Variants in SAGE1 observed in about 807,000 individuals in gnomAD.
SAGE1 encodes sarcoma antigen 1, also known as cancer/testis antigen 14.
In SAGE1, 55 loss-of-function variants were observed where a neutral mutation model predicts 55.4. The observed-to-expected ratio is 0.99, with a 90% CI of 0.80 to 1.24. SAGE1 has a LOEUF of 1.24. Ranked by LOEUF, SAGE1 falls within the 50% of genes most tolerant of loss-of-function variation. The pLI is 0.00. For synonymous variants in SAGE1, 240 were observed against 244.3 expected (o/e 0.98, Z 0.17); for missense variants, 710 against 704.4 (o/e 1.01, Z -0.09).
intron 1 of SAGE1, among the ~76,000 whole-genome samples, 103 bp downstream of exon 1, chrX:135,893,884 A>T (rs1253906025): frequency 9.0e-6 from 1 of 111,659 alleles, no homozygotes; most frequent in Non-Finnish European, 1.9e-5. Context: ...TTCCTCCGTT[A>T]TTTTTTGGAA....
At position 135,911,491 on chromosome X, in the gene SAGE1, T is replaced by A. The variant is rs2088897540; in HGVS notation, c.2147-88T>A. ...GTATCCTCTTGCTTCATGAGATAAC[T>A]CCCTAGAAACTGGGCATCGGAGGGA... On this transcript the variant is annotated intron_variant, in intron 17 of 19. Transcript: ENST00000370709. 5 of 888,001 alleles carry A rather than the reference T, an allele frequency of 5.6e-6. No homozygotes were observed. In the Admixed American group the frequency reaches 9.9e-5, roughly 18 times the overall value. The allele number at this position is 888,001 out of a possible 1,213,427, so 73.2% of individuals were successfully genotyped here.
Position 135,903,228 on chromosome X carries a change from G to C in SAGE1, c.221-1249G>C, listed in dbSNP as rs1378484021. Among the ~76,000 whole-genome samples, 3 of 112,801 alleles carry C rather than the reference G, an allele frequency of 2.7e-5. No individual in the cohort carries two copies. The East Asian group carries it at 8.4e-4, about 32-fold the overall frequency. On this transcript the variant is annotated intron_variant, in intron 3 of 19. Transcript: ENST00000370709. The stretch of plus-strand genomic sequence containing the variant: ...ACTCTCCCTCTGCCTCTGCACAGGA[G>C]GCTCTGCTTCTTTCTCCAAGCCCTG...
At position 135,912,414 on chromosome X, in the gene SAGE1, G is replaced by A. The variant is rs374427739; in HGVS notation, c.2615G>A (p.Arg872Lys). ...FVEFTIKEAA[R>K]FKKVVLIQQL... is the part of the protein sequence containing the mutation. ...GAATTTACCATCAAGGAAGCAGCAAGGTGAGTGCAAAAAGGAACTGTGCTA... is the reference window on the plus strand; with the variant it reads ...GAATTTACCATCAAGGAAGCAGCAAAGTGAGTGCAAAAAGGAACTGTGCTA... The change falls in exon 19 of 20, where the codon AGG (arginine) becomes AAG (lysine). Residue 872 changes from arginine (R) to lysine (K), a missense_variant and splice_region_variant. Arg to Lys is a conservative substitution (Grantham distance 26). Transcript: ENST00000370709. The A allele has an allele frequency of 1.7e-6, 2 of 1,202,545 alleles. No individual in the cohort carries two copies. Among genetic ancestry groups the A allele is most frequent in the African/African-American group, 3.5e-5 (2 of 56,849 alleles).
At position 135,908,851 on chromosome X, in the gene SAGE1, C is replaced by G. The variant is rs374358316; in HGVS notation, c.1442-13C>G. 8.3e-7 allele frequency: 1 copy of G among 1,202,230 alleles called. No homozygotes were observed. Among genetic ancestry groups the G allele is most frequent in the African/African-American group, 1.8e-5 (1 of 56,405 alleles). The stretch of plus-strand genomic sequence containing the variant: ...ACGTACCTCACAGCTTGACCTCTCC[C>G]TTTGGTTTCCAGATGCTACCATTAC... On this transcript the variant is annotated splice_polypyrimidine_tract_variant and intron_variant, in intron 12 of 19. Coordinates refer to ENST00000370709, the MANE Select transcript of SAGE1 (RefSeq NM_001381902.1).
chrX:135,908,087 A>G lies in SAGE1; in HGVS notation c.1160-2A>G. 4.1e-6 allele frequency: 5 copies of G among 1,210,142 alleles called. No individual in the cohort carries two copies. The highest frequency in any genetic ancestry group is 2.3e-4 in the Middle Eastern group (1 of 4,347). On this transcript the variant is annotated splice_acceptor_variant, in intron 10 of 19. Coordinates refer to ENST00000370709, the MANE Select transcript of SAGE1 (RefSeq NM_001381902.1). LOFTEE classifies it high-confidence loss of function. ...AGCTCATCAACTACATTTGGTTTCCAGATGCTACCATCATTCACAATCTGC... is the reference window on the plus strand; with the variant it reads ...AGCTCATCAACTACATTTGGTTTCCGGATGCTACCATCATTCACAATCTGC...
At chrX:135,902,735 T>C (rs1225523578) in intron 3 of SAGE1, among the ~76,000 whole-genome samples, 1 of 112,015 alleles carries the variant, frequency 8.9e-6, no homozygotes, top group African/African-American at 3.2e-5. Flanking sequence ...AAGTCACTTA[T>C]GAGTTATCTC....
Position 135,906,961 on chromosome X carries a change from A to T in SAGE1, c.772A>T (p.Met258Leu). ...TITYNVPEEKMEKGQPQPDNI... is the reference protein window; with the variant it reads ...TITYNVPEEKLEKGQPQPDNI... ...CACTTACAATGTCCCTGAGGAGAAG[A>T]TGGAAAAGGGCCAACCCCAACCTGA... Residue 258 changes from methionine (M) to leucine (L), a missense_variant, in exon 8 of 20, where the codon ATG becomes TTG. Physicochemically the swap from Met to Leu is conservative, Grantham distance 15. Coordinates refer to ENST00000370709, the MANE Select transcript of SAGE1 (RefSeq NM_001381902.1). The T allele has an allele frequency of 8.3e-7, 1 of 1,209,827 alleles. No homozygotes were observed. The highest frequency in any genetic ancestry group is 1.1e-6 in the Non-Finnish European group (1 of 894,282).
chrX:135,898,742 A>G (rs781848580), intron 2 of SAGE1, among the ~76,000 whole-genome samples: 2 of 112,187 alleles, frequency 1.8e-5, no homozygotes, highest in East Asian at 5.6e-4. Context: ...TCTAATGATC[A>G]GTGATGTTGA....
intron 15 of SAGE1, 115 bp downstream of exon 15, chrX:135,910,285 C>T (rs2088872485): frequency 9.7e-7 from 1 of 1,028,657 alleles, no homozygotes; most frequent in Admixed American, 2.5e-5. Flanking sequence ...TTTTAGGGTT[C>T]TCAGATTGCT....
chrX:135,896,456 G>A lies in SAGE1; in HGVS notation c.87+127G>A, dbSNP rs1323157318. On this transcript the variant is annotated intron_variant, in intron 2 of 19. Coordinates refer to ENST00000370709, the MANE Select transcript of SAGE1 (RefSeq NM_001381902.1). Reference sequence around the variant, plus strand: ...ATTTAAAAGATAAAATATGACACAGGAAATCTTATGTGAACATAAAATGGG... The same window carrying A: ...ATTTAAAAGATAAAATATGACACAGAAAATCTTATGTGAACATAAAATGGG... 6.6e-6 allele frequency: 3 copies of A among 457,178 alleles called. No individual in the cohort carries two copies. The East Asian group carries it at 1.1e-4, about 17-fold the overall frequency. The allele number at this position is 457,178 out of a possible 1,213,427, so 37.7% of individuals were successfully genotyped here. A position where few individuals can be genotyped will look rare whatever the true frequency, so the allele number is the denominator to read the frequency against.
At chrX:135,899,696 A>T (rs1359996029) in intron 2 of SAGE1, among the ~76,000 whole-genome samples, 1 of 110,960 alleles carries the variant, frequency 9.0e-6, no homozygotes, top group African/African-American at 3.3e-5. Context: ...TTCTCTCTGA[A>T]GAGGTCTTTC....
At chrX:135,895,040 C>T (rs1556592555) in intron 1 of SAGE1, among the ~76,000 whole-genome samples, 2 of 110,709 alleles carry the variant, frequency 1.8e-5, no homozygotes, top group Non-Finnish European at 3.8e-5. Flanking sequence ...ATGTATTAAC[C>T]AGCACATACA....
chrX:135,896,896 G>A (rs1556594214), intron 2 of SAGE1, among the ~76,000 whole-genome samples: 1 of 111,579 alleles, frequency 9.0e-6, no homozygotes, highest in East Asian at 2.8e-4. Context: ...AATGCTCATA[G>A]TTGTTCTGCA....
rs572475589 is a variant in SAGE1, at chrX:135,900,465, C to G, written c.88-1094C>G. ...GGCCTGAAGTTTTTTTTTGTTGTAT[C>G]TCTGCCAGGTTTTGGTATCAGGGTG... On this transcript the variant is annotated intron_variant, in intron 2 of 19. Coordinates refer to ENST00000370709, the MANE Select transcript of SAGE1 (RefSeq NM_001381902.1). 4.5e-5 allele frequency among the ~76,000 whole-genome samples: 5 copies of G among 110,851 alleles called. No homozygotes were observed. The South Asian group carries it at 1.5e-3, about 34-fold the overall frequency.
Position 135,911,882 on chromosome X carries a change from C to T in SAGE1, c.2450C>T (p.Pro817Leu), listed in dbSNP as rs1556606765. The T allele has an allele frequency of 8.3e-7, 1 of 1,209,123 alleles. No homozygotes were observed. The highest frequency in any genetic ancestry group is 1.1e-6 in the Non-Finnish European group (1 of 894,430). ...GTGCCAAATACACCACAAATATCTCCTGCCATGGCAAAGAAAATTAATGAT... is the reference window on the plus strand; with the variant it reads ...GTGCCAAATACACCACAAATATCTCTTGCCATGGCAAAGAAAATTAATGAT... The part of the protein sequence containing the change: ...ETVPNTPQIS[P>L]AMAKKINDDI... Residue 817 changes from proline to leucine, a missense_variant, in exon 18 of 20, where the codon CCT becomes CTT. By Grantham distance (98) the Pro-to-Leu change is moderately conservative (BLOSUM62 -3). Transcript: ENST00000370709.
rs148601345 is a variant in SAGE1, at chrX:135,900,001, A to T, written c.88-1558A>T. Among the ~76,000 whole-genome samples, 720 of 110,819 alleles carry T rather than the reference A, an allele frequency of 6.5e-3. 4 individuals carry two copies. Among genetic ancestry groups the T allele is most frequent in the African/African-American group, 0.022 (670 of 30,502 alleles). On this transcript the variant is annotated intron_variant, in intron 2 of 19. Transcript: ENST00000370709. ...ACTCTTTATTTCTTTGCCTTGCCCG[A>T]TTCCCCTGGACAGAACGTGTAATAC...
intron 13 of SAGE1, among the ~76,000 whole-genome samples, chrX:135,909,435 T>C (rs1201669832): frequency 9.0e-6 from 1 of 111,664 alleles, no homozygotes; most frequent in Non-Finnish European, 1.9e-5. Flanking sequence ...TTGACTTCCA[T>C]ACGCATGCAG....
intron 4 of SAGE1, among the ~76,000 whole-genome samples, chrX:135,904,940 T>TG (rs1179280942): frequency 9.0e-6 from 1 of 111,550 alleles, no homozygotes; most frequent in Admixed American, 9.6e-5. Flanking sequence ...TCATGTCAAA[T>TG]GTTCTATCAG....
At position 135,910,439 on chromosome X, in the gene SAGE1, G is replaced by A. The variant is rs782604698; in HGVS notation, c.1889G>A (p.Arg630His). ...DQYAAVTHNI[R>H]EEKINNSQPA... ...GATGCTGCAGTCACTCACAACATCC[G>A]TGAAGAGAAGATAAATAACAGCCAA... Residue 630 changes from arginine to histidine, a missense_variant, in exon 16 of 20, where the codon CGT (arginine) becomes CAT (histidine). Coordinates refer to ENST00000370709, the MANE Select transcript of SAGE1 (RefSeq NM_001381902.1). The A allele has an allele frequency of 1.4e-5, 17 of 1,208,411 alleles. No homozygotes were observed. The highest frequency in any genetic ancestry group is 2.3e-4 in the Middle Eastern group (1 of 4,365).
Sources: gnomAD v4.1 joint callset for allele counts (sites outside exome capture counted in the v4.1 genomes callset) on GRCh38, gnomAD v4.1.1 for gene constraint, MANE v1.5 for transcripts, NCBI Gene and HGNC (gene_info 2026-07-23, HGNC 2026-07-21) for gene names.